CRYGA: variants seen among roughly 807,000 people sequenced by gnomAD.
CRYGA encodes the protein gamma-crystallin A.
A neutral mutation model predicts 13.8 loss-of-function variants in CRYGA; 11 were observed. That is an observed-to-expected ratio of 0.80 (90% CI 0.50 to 1.32). CRYGA has a LOEUF of 1.32. CRYGA is among the 40% of genes most tolerant of loss of function. The pLI, the probability that CRYGA is intolerant of heterozygous loss-of-function variation, is 0.00. For synonymous variants in CRYGA, 97 were observed against 89.3 expected (o/e 1.09, Z -0.48); for missense variants, 271 against 234.1 (o/e 1.16, Z -1.03).
chr2:208,162,749 G>T (rs1306312928), intron 2 of CRYGA, among the ~76,000 whole-genome samples: 1 of 152,058 alleles, frequency 6.6e-6, no homozygotes, highest in East Asian at 1.9e-4. Flanking sequence ...TGAGGCGGGA[G>T]AATCGCTTGA....
chr2:208,163,458 A>C lies in CRYGA; in HGVS notation c.10-12T>G, dbSNP rs548789050. 6.2e-7 allele frequency: 1 copy of C among 1,613,484 alleles called. No homozygotes were observed. Among genetic ancestry groups the C allele is most frequent in the African/African-American group, 1.3e-5 (1 of 74,720 alleles). ...TCGTAGAAGGTGATCTGAGGTAGAA[A>C]TAAGGTGACAGTAGACAGTCAGCTG... On this transcript the variant is annotated splice_polypyrimidine_tract_variant and intron_variant, in intron 1 of 2. Transcript: ENST00000304502.
chr2:208,162,134 A>G (rs1695771915), intron 2 of CRYGA, among the ~76,000 whole-genome samples: 1 of 151,874 alleles, frequency 6.6e-6, no homozygotes. Flanking sequence ...ACAGGGTTTC[A>G]CCATGTTGGC....
rs1454335489 is a variant in CRYGA at position 208,163,009 on chromosome 2, C to A, written c.252+195G>T. Among the ~76,000 whole-genome samples the A allele has an allele frequency of 2.0e-5, 3 of 150,600 alleles. No individual in the cohort carries two copies. The South Asian group carries it at 6.2e-4, about 31-fold the overall frequency. Reference sequence around the variant, plus strand: ...AGGCTATGTTGTGATTTCCCATGCCCTAAAATGATGTCCTTAAGTAAGAAA... The same window carrying A: ...AGGCTATGTTGTGATTTCCCATGCCATAAAATGATGTCCTTAAGTAAGAAA... On this transcript the variant is annotated intron_variant, in intron 2 of 2. Coordinates refer to ENST00000304502, the MANE Select transcript of CRYGA (RefSeq NM_014617.4).
In CRYGA at chr2:208,160,757, G is replaced by GT. The variant is rs781679000; in HGVS notation, c.*46dup. On this transcript the variant is annotated 3_prime_UTR_variant, in exon 3 of 3. Transcript: ENST00000304502. ...CCACTTAGTGCAGGGAACACAACTTGTATATTTATTATGTTTCTATGGGGA... is the reference window on the plus strand; with the variant it reads ...CCACTTAGTGCAGGGAACACAACTTGTTATATTTATTATGTTTCTATGGGGA... 1.2e-5 allele frequency: 14 copies of GT among 1,125,914 alleles called. No individual in the cohort carries two copies. Among genetic ancestry groups the GT allele is most frequent in the Non-Finnish European group, 1.7e-5 (13 of 766,920 alleles). 69.7% of individuals were successfully genotyped at this position (1,125,914 alleles called of 1,614,324 possible). A position where few individuals can be genotyped will look rare whatever the true frequency, so the allele number is the denominator to read the frequency against.
At chr2:208,163,027 G>T (rs1184385464) in intron 2 of CRYGA, among the ~76,000 whole-genome samples, 177 bp downstream of exon 2, 1 of 151,008 alleles carries the variant, frequency 6.6e-6, no homozygotes, top group African/African-American at 2.4e-5. Context: ...ATGTCCTTAA[G>T]TAAGAAAAAT....
chr2:208,163,228 G>A lies in CRYGA; in HGVS notation c.228C>T (p.Val76=). Residue 76 remains valine, a synonymous_variant, in exon 2 of 3, where the codon GTC becomes GTT. Transcript: ENST00000304502. ...YQHWMGLSDS[V]QSCRIIPHTS... Reference sequence around the variant, plus strand: ...CATGAGGAATTATACGGCAGGATTGGACCGAGTCGCTGAGGCCCATCCAGT... The same window carrying A: ...CATGAGGAATTATACGGCAGGATTGAACCGAGTCGCTGAGGCCCATCCAGT... The A allele has an allele frequency of 6.2e-7, 1 of 1,613,628 alleles. No homozygotes were observed. Among genetic ancestry groups the A allele is most frequent in the Non-Finnish European group, 8.5e-7 (1 of 1,179,922 alleles).
Position 208,163,589 on chromosome 2 carries a change from T to C in CRYGA, c.-33A>G. ...GACAGAGGGTGATTAGCATCTAGTA[T>C]GATAGGGACAAAGGGGCAACTGGTA... On this transcript the variant is annotated 5_prime_UTR_variant, in exon 1 of 3. Transcript: ENST00000304502. The C allele has an allele frequency of 1.9e-6, 3 of 1,605,470 alleles. No individual in the cohort carries two copies. The highest frequency in any genetic ancestry group is 2.6e-6 in the Non-Finnish European group (3 of 1,176,280).
In CRYGA at chr2:208,160,910, C is replaced by A. The variant is rs573473213; in HGVS notation, c.419G>T (p.Arg140Leu). Residue 140 changes from arginine (R) to leucine (L), a missense_variant, in exon 3 of 3, where the codon CGG becomes CTG. Transcript: ENST00000304502. ...CWVLYEMPNYRGRQYLLRPGD... is the reference protein window; with the variant it reads ...CWVLYEMPNYLGRQYLLRPGD... ...AGGCCTCAGCAGATACTGCCGCCCCCGGTAGTTGGGCATTTCATAGAGGAC... is the reference window on the plus strand; with the variant it reads ...AGGCCTCAGCAGATACTGCCGCCCCAGGTAGTTGGGCATTTCATAGAGGAC... 1.9e-5 allele frequency: 31 copies of A among 1,612,986 alleles called. No individual in the cohort carries two copies. Among genetic ancestry groups the A allele is most frequent in the East Asian group, 1.1e-4 (5 of 44,860 alleles).
intron 2 of CRYGA, among the ~76,000 whole-genome samples, chr2:208,162,148 G>C (rs1003052650): frequency 6.6e-6 from 1 of 152,094 alleles, no homozygotes; most frequent in Non-Finnish European, 1.5e-5. Context: ...TGTTGGCCAA[G>C]CTGGTCTTGA....
chr2:208,160,888 C>A lies in CRYGA; in HGVS notation c.441G>T (p.Arg147Ser). The change falls in exon 3 of 3, where the codon AGG (arginine) becomes AGT (serine). Residue 147 changes from arginine to serine, a missense_variant. Physicochemically the swap from Arg to Ser is moderately radical, Grantham distance 110. Transcript: ENST00000304502. ...CGTGGTACCTTCTGTAGTCCCCAGG[C>A]CTCAGCAGATACTGCCGCCCCCGGT... is the stretch of plus-strand genomic sequence containing the variant. ...PNYRGRQYLL[R>S]PGDYRRYHDW... 1 of 1,613,156 alleles carries A rather than the reference C, an allele frequency of 6.2e-7. No individual in the cohort carries two copies. The highest frequency in any genetic ancestry group is 8.5e-7 in the Non-Finnish European group (1 of 1,179,238).
In CRYGA at chr2:208,161,001, C is replaced by T. The variant is rs1001389914; in HGVS notation, c.328G>A (p.Ala110Thr). Residue 110 changes from alanine (A) to threonine (T), a missense_variant, in exon 3 of 3, where the codon GCC becomes ACC. Ala to Thr is a moderately conservative substitution (Grantham distance 58). Coordinates refer to ENST00000304502, the MANE Select transcript of CRYGA (RefSeq NM_014617.4). ...GLMSELTDDCACVPELFRLPE... is the reference protein window; with the variant it reads ...GLMSELTDDCTCVPELFRLPE... The stretch of plus-strand genomic sequence containing the variant: ...AGACGGAACAGTTCTGGAACACAGG[C>T]GCAGTCATCAGTGAGCTCAGACATA... The T allele has an allele frequency of 8.7e-6, 14 of 1,613,736 alleles. No individual in the cohort carries two copies. Among genetic ancestry groups the T allele is most frequent in the Admixed American group, 3.3e-5 (2 of 59,994 alleles).
At chr2:208,162,891 T>G (rs1695788268) in intron 2 of CRYGA, among the ~76,000 whole-genome samples, 1 of 107,834 alleles carries the variant, frequency 9.3e-6, no homozygotes, top group Non-Finnish European at 1.9e-5. Context: ...TTTCTTTTTT[T>G]TCTTTCTTTC....
chr2:208,160,852 A>T lies in CRYGA; in HGVS notation c.477T>A (p.Gly159=). ...TCAAAGAGCCGACTTTGGCATCTGC[A>T]CCCCCCCAGTCGTGGTACCTTCTGT... ...GDYRRYHDWG[G]ADAKVGSLRR... Residue 159 remains glycine (G), a synonymous_variant, in exon 3 of 3, where the codon GGT becomes GGA. Transcript: ENST00000304502. 1 of 1,611,002 alleles carries T rather than the reference A, an allele frequency of 6.2e-7. No homozygotes were observed. Among genetic ancestry groups the T allele is most frequent in the Non-Finnish European group, 8.5e-7 (1 of 1,177,602 alleles).
intron 2 of CRYGA, among the ~76,000 whole-genome samples, chr2:208,161,293 C>A (rs949595538): frequency 1.3e-5 from 2 of 151,858 alleles, no homozygotes; most frequent in Non-Finnish European, 2.9e-5. Flanking sequence ...CCACCTCAGC[C>A]CCCCAAGTAG....
Position 208,160,949 on chromosome 2 carries a change from A to C in CRYGA, c.380T>G (p.Leu127Arg), listed in dbSNP as rs904785439. 3.1e-6 allele frequency: 5 copies of C among 1,613,820 alleles called. No individual in the cohort carries two copies. Among genetic ancestry groups the C allele is most frequent in the African/African-American group, 1.3e-5 (1 of 74,866 alleles). ...TTCATAGAGGACCCAGCAGCCCTCC[A>C]GTACGTGGAGGGAATAGATCTCAGG... is the stretch of plus-strand genomic sequence containing the variant. ...RLPEIYSLHV[L>R]EGCWVLYEMP... is the part of the protein sequence containing the mutation. The change falls in exon 3 of 3, where the codon CTG (leucine) becomes CGG (arginine). Residue 127 changes from leucine (L) to arginine (R), a missense_variant. Transcript: ENST00000304502.
chr2:208,162,529 T>C (rs954781713), intron 2 of CRYGA, among the ~76,000 whole-genome samples: 1 of 152,198 alleles, frequency 6.6e-6, no homozygotes, highest in Non-Finnish European at 1.5e-5. Context: ...ACCTATATTG[T>C]TATCTCATAG....
In CRYGA at chr2:208,160,798, C is replaced by A; in HGVS notation, c.*6G>T. The A allele has an allele frequency of 2.5e-6, 4 of 1,576,748 alleles. No individual in the cohort carries two copies. The South Asian group carries it at 4.5e-5, about 18-fold the overall frequency. On this transcript the variant is annotated 3_prime_UTR_variant, in exon 3 of 3. Coordinates refer to ENST00000304502, the MANE Select transcript of CRYGA (RefSeq NM_014617.4). ...TCTATGGGGATCACAACAAGGCAGG[C>A]ACAGCTTAGTACAAATCGGTGACCC...
intron 2 of CRYGA, 69 bp from the exon 3 acceptor site, chr2:208,161,145 C>A (rs1053818966): frequency 2.6e-5 from 38 of 1,444,490 alleles, no homozygotes; most frequent in Non-Finnish European, 3.5e-5. Context: ...GAAAGTGACA[C>A]AATCAGTCTG....
rs780928270 is a variant in CRYGA, at chr2:208,163,334, C to T, written c.122G>A (p.Gly41Asp). 7 of 1,614,042 alleles carry T rather than the reference C, an allele frequency of 4.3e-6. No homozygotes were observed. The highest frequency in any genetic ancestry group is 5.9e-6 in the Non-Finnish European group (7 of 1,180,022). Residue 41 changes from glycine (G) to aspartate (D), a missense_variant, in exon 2 of 3, where the codon GGC becomes GAC. Gly to Asp is a moderately conservative substitution (Grantham distance 94, BLOSUM62 -1). Transcript: ENST00000304502. ...GGGACGCTCATAGAGCATCCAGCAG[C>T]CGCTGTCTACTCGGATGGAGTTGCA... ...SRCNSIRVDS[G>D]CWMLYERPNY...
Sources: gnomAD v4.1 joint callset for allele counts (sites outside exome capture counted in the v4.1 genomes callset) on GRCh38, gnomAD v4.1.1 for gene constraint, MANE v1.5 for transcripts, NCBI Gene and HGNC (gene_info 2026-07-23, HGNC 2026-07-21) for gene names.